Variants in NBPF11 observed in about 807,000 individuals in gnomAD.
The protein encoded by NBPF11 is NBPF family member NBPF11.
Under a neutral mutation model 93.9 loss-of-function variants are expected in NBPF11, and 72 were observed. That is an observed-to-expected ratio of 0.77 (90% CI 0.63 to 0.93). The LOEUF is 0.93. Among genes scored for constraint, NBPF11 ranks in the 40% least tolerant of loss-of-function variants. The pLI is 0.00. For missense variants in NBPF11, 705 were observed against 802.2 expected (o/e 0.88, Z 1.46); for synonymous variants, 224 against 304.9 (o/e 0.73, Z 2.76).
rs1313494577 is a variant in NBPF11, at chr1:148,111,482, T to A, written c.1638-941A>T. On this transcript the variant is annotated intron_variant, in intron 15 of 23. Transcript: ENST00000682118. The stretch of plus-strand genomic sequence containing the variant: ...AGCTAAAGGAGGATGTGCGAACTCA[T>A]CGCAAGGAAGCTAAAAACCTTAAAA... Among the ~76,000 whole-genome samples the A allele has an allele frequency of 5.3e-4, 80 of 152,004 alleles. 3 individuals are homozygous for A. Among genetic ancestry groups the A allele is most frequent in the African/African-American group, 1.9e-3 (77 of 41,320 alleles).
chr1:148,103,598 T>A lies in NBPF11; in HGVS notation c.*298A>T. On this transcript the variant is annotated 3_prime_UTR_variant, in exon 24 of 24. Transcript: ENST00000682118. ...CTGGGCTTCCAAATGGAACTATAGTTTCATTCAAATCTTCAGGTGCCTATA... is the reference window on the plus strand; with the variant it reads ...CTGGGCTTCCAAATGGAACTATAGTATCATTCAAATCTTCAGGTGCCTATA... The A allele has an allele frequency of 6.2e-7, 1 of 1,609,282 alleles. No homozygotes were observed. Among genetic ancestry groups the A allele is most frequent in the Non-Finnish European group, 8.5e-7 (1 of 1,177,848 alleles).
In NBPF11 at chr1:148,122,820, C is replaced by T. The variant is rs1571449320; in HGVS notation, c.494-19G>A. 10 of 1,609,616 alleles carry T rather than the reference C, an allele frequency of 6.2e-6. No individual in the cohort carries two copies. The highest frequency in any genetic ancestry group is 1.7e-5 in the Admixed American group (1 of 60,020). On this transcript the variant is annotated intron_variant, in intron 7 of 23. Coordinates refer to ENST00000682118, the MANE Select transcript of NBPF11 (RefSeq NM_001385469.3). ...TCATTTTCTATAAATACAAAATGTT[C>T]GTTCAGATATTTCCCACTTCACATT...
intron 1 of NBPF11, among the ~76,000 whole-genome samples, chr1:148,151,215 C>T (rs1648223733): frequency 6.6e-6 from 1 of 151,892 alleles, no homozygotes; most frequent in Non-Finnish European, 1.5e-5. Flanking sequence ...GAGGCTTGCC[C>T]CGCTAGTCAT....
intron 12 of NBPF11, among the ~76,000 whole-genome samples, chr1:148,117,259 C>T (rs1395509542): frequency 6.7e-6 from 1 of 149,198 alleles, no homozygotes. Flanking sequence ...CATTCTTAGT[C>T]CAGAGCTCTT....
chr1:148,118,308 G>A (rs1357910608), intron 11 of NBPF11, among the ~76,000 whole-genome samples: 20 of 152,018 alleles, frequency 1.3e-4, no homozygotes, highest in Non-Finnish European at 2.8e-4. Context: ...GGTGGTGATG[G>A]CACACCATTT....
chr1:148,111,854 C>A (rs1665359516), intron 15 of NBPF11, among the ~76,000 whole-genome samples: 1 of 150,850 alleles, frequency 6.6e-6, no homozygotes, highest in Non-Finnish European at 1.5e-5. Context: ...GAGGACTTCC[C>A]CAACCTAGCA....
Position 148,120,726 on chromosome 1 carries a change from G to C in NBPF11, c.779-16C>G, listed in dbSNP as rs1424317070. 28 of 1,475,924 alleles carry C rather than the reference G, an allele frequency of 1.9e-5. No individual in the cohort carries two copies. Among genetic ancestry groups the C allele is most frequent in the East Asian group, 1.6e-4 (7 of 44,122 alleles). The allele number at this position is 1,475,924 out of a possible 1,614,324, so 91.4% of individuals were successfully genotyped here. A position where few individuals can be genotyped will look rare whatever the true frequency, so the allele number is the denominator to read the frequency against. On this transcript the variant is annotated splice_polypyrimidine_tract_variant and intron_variant, in intron 9 of 23. Coordinates refer to ENST00000682118, the MANE Select transcript of NBPF11 (RefSeq NM_001385469.3). Reference sequence around the variant, plus strand: ...GGGCCAGGGACTGGGGAGAAGAAAGGCAAACATATGATGGGTTAAAAACTG... The same window carrying C: ...GGGCCAGGGACTGGGGAGAAGAAAGCCAAACATATGATGGGTTAAAAACTG...
rs1404527715 is a variant in NBPF11 at position 148,102,542 on chromosome 1, A to T, written c.*1354T>A. 5.3e-5 allele frequency: 8 copies of T among 151,772 alleles called. No homozygotes were observed. The highest frequency in any genetic ancestry group is 2.1e-4 in the South Asian group (1 of 4,812). 9.4% of individuals were successfully genotyped at this position (151,772 alleles called of 1,614,324 possible). A position where few individuals can be genotyped will look rare whatever the true frequency, so the allele number is the denominator to read the frequency against. Reference sequence around the variant, plus strand: ...ACCTTCTCTGCCCGCAGATGGGCTGAGGTTGGAAACTCACAGCATTGTCTC... The same window carrying T: ...ACCTTCTCTGCCCGCAGATGGGCTGTGGTTGGAAACTCACAGCATTGTCTC... On this transcript the variant is annotated 3_prime_UTR_variant, in exon 24 of 24. Coordinates refer to ENST00000682118, the MANE Select transcript of NBPF11 (RefSeq NM_001385469.3).
intron 11 of NBPF11, among the ~76,000 whole-genome samples, chr1:148,118,306 T>C (rs1264319309): frequency 1.3e-5 from 2 of 151,950 alleles, no homozygotes; most frequent in Non-Finnish European, 2.9e-5. Flanking sequence ...GGGGTGGTGA[T>C]GGCACACCAT....
At chr1:148,136,023 C>T (rs1377401355) in intron 3 of NBPF11, among the ~76,000 whole-genome samples, 2 of 151,816 alleles carry the variant, frequency 1.3e-5, no homozygotes, top group Non-Finnish European at 2.9e-5. Flanking sequence ...TGCTCATGTC[C>T]CTGAAGTCAT....
chr1:148,121,027 A>G (rs3992671), intron 9 of NBPF11, among the ~76,000 whole-genome samples: 2 of 151,906 alleles, frequency 1.3e-5, no homozygotes, highest in Admixed American at 6.6e-5. Flanking sequence ...TTTGCTTTTT[A>G]AATTTTTTCC....
At chr1:148,104,156 G>C (rs1662975428) in intron 23 of NBPF11, among the ~76,000 whole-genome samples, 1 of 144,144 alleles carries the variant, frequency 6.9e-6, no homozygotes, top group Non-Finnish European at 1.5e-5. Context: ...CAGAGAGAAA[G>C]TGAGCTAGTG....
At chr1:148,108,151 G>A (rs5028670) in intron 18 of NBPF11, among the ~76,000 whole-genome samples, 2 of 134,162 alleles carry the variant, frequency 1.5e-5, no homozygotes, top group East Asian at 2.4e-4. Context: ...GATGCTGAAA[G>A]TAGAGTGAAG....
chr1:148,118,743 C>A (rs1459443856), intron 10 of NBPF11, 21 bp from the exon 11 acceptor site: 3 of 1,603,090 alleles, frequency 1.9e-6, no homozygotes, highest in African/African-American at 2.7e-5. Context: ...ACAGACACGC[C>A]TGCATCAGTG....
rs1206838203 is a variant in NBPF11 at position 148,117,040 on chromosome 1, C to T, written c.1307-505G>A. Among the ~76,000 whole-genome samples, 997 of 152,180 alleles carry T rather than the reference C, an allele frequency of 6.6e-3. 6 individuals are homozygous for T. The highest frequency in any genetic ancestry group is 0.016 in the South Asian group (76 of 4,818). ...CTGAAGCACTTCCTACCACAAAATG[C>T]CCCCACATCAAGTGCCTTCTCCAAC... is the stretch of plus-strand genomic sequence containing the variant. On this transcript the variant is annotated intron_variant, in intron 12 of 23. Transcript: ENST00000682118.
chr1:148,135,418 CAA>C (rs1470205496), intron 4 of NBPF11, among the ~76,000 whole-genome samples: 1 of 150,760 alleles, frequency 6.6e-6, no homozygotes, highest in Non-Finnish European at 1.5e-5. Context: ...AAAAAGGAAA[CAA>C]GGCAATATTT....
At chr1:148,115,208 C>T (rs1270705919) in intron 14 of NBPF11, among the ~76,000 whole-genome samples, 4 of 119,850 alleles carry the variant, frequency 3.3e-5, no homozygotes, top group South Asian at 5.6e-4. Flanking sequence ...AAAAAATCTA[C>T]GACGCTACAA....
chr1:148,125,525 A>G (rs1470542644), intron 5 of NBPF11, among the ~76,000 whole-genome samples: 2 of 152,068 alleles, frequency 1.3e-5, no homozygotes, highest in African/African-American at 2.4e-5. Flanking sequence ...AAAGTGTGAG[A>G]CATAAGACAA....
At chr1:148,104,169 TTGGCCAGGTGACATAC>T (rs1662978511) in intron 23 of NBPF11, among the ~76,000 whole-genome samples, 1 of 143,994 alleles carries the variant, frequency 6.9e-6, no homozygotes, top group Non-Finnish European at 1.5e-5. Context: ...AGCTAGTGAA[TTGGCCAGGTGACATAC>T]TGGTAAGGGA....
Sources: gnomAD v4.1 joint callset for allele counts (sites outside exome capture counted in the v4.1 genomes callset) on GRCh38, gnomAD v4.1.1 for gene constraint, MANE v1.5 for transcripts, NCBI Gene and HGNC (gene_info 2026-07-23, HGNC 2026-07-21) for gene names.